Variants in SIN3A observed in about 807,000 individuals in gnomAD.
The protein encoded by SIN3A is SIN3 transcription regulator family member A.
Under a neutral mutation model 146.1 loss-of-function variants are expected in SIN3A, and 14 were observed. The ratio of observed to expected loss-of-function variants is 0.10; its 90% confidence interval spans 0.06 to 0.15. The LOEUF (loss-of-function observed/expected upper bound fraction) is 0.15, where lower values mean the gene tolerates loss of function less well. Among genes scored for constraint, SIN3A ranks in the 10% least tolerant of loss-of-function variants. The pLI is 1.00. For synonymous variants in SIN3A, 572 were observed against 572.0 expected, an observed-to-expected ratio of 1.00 and a Z score of 0.00; for missense variants, 1,028 against 1,576.0, an observed-to-expected ratio of 0.65 and a Z score of 5.89.
chr15:75,426,127 A>C (rs1347244991), intron 2 of SIN3A, among the ~76,000 whole-genome samples: 1 of 152,240 alleles, frequency 6.6e-6, no homozygotes, highest in Non-Finnish European at 1.5e-5. Context: ...ATTCGGAAGA[A>C]ATTTAACTAT....
chr15:75,427,392 G>A (rs1187925169), intron 2 of SIN3A, among the ~76,000 whole-genome samples: 1 of 151,922 alleles, frequency 6.6e-6, no homozygotes, highest in Non-Finnish European at 1.5e-5. Flanking sequence ...AAATAAGGCC[G>A]GGTGCAGTGG....
At chr15:75,413,136 G>T in intron 4 of SIN3A, 91 bp from the exon 5 acceptor site, 18 of 1,273,432 alleles carry the variant, frequency 1.4e-5, no homozygotes, top group Non-Finnish European at 1.7e-5. Context: ...CTTTTGAGAC[G>T]GAGTCTCACT....
intron 12 of SIN3A, 107 bp downstream of exon 12, chr15:75,399,933 T>C (rs1424294890): frequency 4.3e-6 from 3 of 704,386 alleles, no homozygotes; most frequent in Non-Finnish European, 7.7e-6. Context: ...CATAGAAGAA[T>C]GTGAGCCTTT....
chr15:75,445,692 A>G (rs1335288475), intron 1 of SIN3A, among the ~76,000 whole-genome samples: 3 of 151,326 alleles, frequency 2.0e-5, no homozygotes, highest in African/African-American at 7.3e-5. Context: ...GTGTGTGTGC[A>G]ATGAGCCGAG....
chr15:75,391,685 T>TA (rs1210163115), intron 15 of SIN3A, among the ~76,000 whole-genome samples: 1 of 152,170 alleles, frequency 6.6e-6, no homozygotes, highest in African/African-American at 2.4e-5. Context: ...AACCCTCACT[T>TA]ACTTTCCTTT....
intron 1 of SIN3A, among the ~76,000 whole-genome samples, chr15:75,439,175 C>T (rs1398124884): frequency 2.0e-5 from 3 of 152,012 alleles, no homozygotes; most frequent in African/African-American, 7.3e-5. Flanking sequence ...TGTCACAACT[C>T]GGGAAGATGG....
intron 2 of SIN3A, among the ~76,000 whole-genome samples, chr15:75,429,366 T>G (rs1025365513): frequency 3.3e-5 from 5 of 151,950 alleles, no homozygotes; most frequent in Admixed American, 2.0e-4. Context: ...GAGGCTGCAG[T>G]GAGTCATGAT....
At chr15:75,380,845 A>T (rs1415488794) in intron 18 of SIN3A, 122 bp from the exon 19 acceptor site, 1 of 696,592 alleles carries the variant, frequency 1.4e-6, no homozygotes, top group Non-Finnish European at 2.5e-6. Flanking sequence ...AAGATCAAAA[A>T]AGTCCCTTTC....
intron 12 of SIN3A, among the ~76,000 whole-genome samples, chr15:75,398,923 G>C (rs2073354459): frequency 6.6e-6 from 1 of 151,868 alleles, no homozygotes; most frequent in Non-Finnish European, 1.5e-5. Flanking sequence ...AATGCATGTG[G>C]GGCTTAAAAC....
At chr15:75,387,037 A>C (rs940362245) in intron 16 of SIN3A, among the ~76,000 whole-genome samples, 2 of 151,948 alleles carry the variant, frequency 1.3e-5, no homozygotes, top group African/African-American at 4.8e-5. Flanking sequence ...CAACTCCTGG[A>C]CTCAATATAT....
At chr15:75,453,620 C>T (rs774452562), upstream of SIN3A, 1 of 152,342 alleles carries the variant, frequency 6.6e-6, no homozygotes, top group Non-Finnish European at 1.5e-5. Context: ...TTGTCAGAGT[C>T]TCAGATACAG....
intron 20 of SIN3A, 140 bp downstream of exon 20, chr15:75,375,525 C>T: frequency 4.4e-6 from 3 of 676,280 alleles, no homozygotes; most frequent in Non-Finnish European, 5.2e-6. Flanking sequence ...TAGCAACCAA[C>T]ATACGTACTT....
At chr15:75,429,652 A>G (rs2073981766) in intron 2 of SIN3A, among the ~76,000 whole-genome samples, 1 of 152,208 alleles carries the variant, frequency 6.6e-6, no homozygotes. Flanking sequence ...GTGCACTAAG[A>G]CAATATCACA....
chr15:75,409,734 C>CA (rs1443445487), intron 8 of SIN3A, 102 bp downstream of exon 8: 3,020 of 1,310,994 alleles, frequency 2.3e-3, no homozygotes, highest in Non-Finnish European at 2.5e-3. Flanking sequence ...CTCAAAAAAA[C>CA]AAAAAAAAAC....
chr15:75,449,803 G>A (rs999003773), intron 1 of SIN3A, among the ~76,000 whole-genome samples: 2 of 152,102 alleles, frequency 1.3e-5, no homozygotes, highest in Non-Finnish European at 2.9e-5. Flanking sequence ...TTTTTGAGGC[G>A]GAGTTTTGCT....
rs145925364 is a variant in SIN3A, at chr15:75,429,728, T to C, written c.189+459A>G. Among the ~76,000 whole-genome samples, 28 of 152,242 alleles carry C rather than the reference T, an allele frequency of 1.8e-4. No individual in the cohort carries two copies. The South Asian group carries it at 4.1e-3, about 23-fold the overall frequency. ...ACAGCCCAATAGTCCAACAGTAGAA[T>C]TGACAAATAAATTGAGTATATGCAT... On this transcript the variant is annotated intron_variant, in intron 2 of 20. Coordinates refer to ENST00000394947, the MANE Select transcript of SIN3A (RefSeq NM_001145358.2).
chr15:75,391,683 C>G (rs2073204959), intron 15 of SIN3A, among the ~76,000 whole-genome samples: 1 of 152,172 alleles, frequency 6.6e-6, no homozygotes, highest in African/African-American at 2.4e-5. Context: ...TGAACCCTCA[C>G]TTACTTTCCT....
At chr15:75,428,566 G>GCATATT (rs1205997691) in intron 2 of SIN3A, among the ~76,000 whole-genome samples, 1 of 152,028 alleles carries the variant, frequency 6.6e-6, no homozygotes, top group African/African-American at 2.4e-5. Flanking sequence ...GGGTGCGGAA[G>GCATATT]CATATTCACT....
rs1397387998 is a variant in SIN3A at position 75,409,930 on chromosome 15, A to G, written c.1223T>C (p.Val408Ala). 1.2e-6 allele frequency: 2 copies of G among 1,613,956 alleles called. No individual in the cohort carries two copies. Among genetic ancestry groups the G allele is most frequent in the African/African-American group, 1.3e-5 (1 of 74,894 alleles). ...DSVRNDHGGT[V>A]KKPQLNNKPQ... ...CTTGTTGTTCAGTTGGGGCTTCTTG[A>G]CAGTGCCTCCATGATCATTTCTCAC... The change falls in exon 8 of 21, where the codon GTC becomes GCC. Residue 408 changes from valine (V) to alanine (A), a missense_variant. By Grantham distance (64) the Val-to-Ala change is moderately conservative. This residue lies in a region of SIN3A where 40 missense variants were observed against 74.0 expected (regional missense o/e 0.54). Transcript: ENST00000394947.
Sources: allele counts gnomAD v4.1 joint callset (sites outside exome capture counted in the v4.1 genomes callset), GRCh38; gene constraint gnomAD v4.1.1; regional missense constraint gnomAD v4.1.1; transcripts MANE v1.5; gene names NCBI Gene and HGNC (gene_info 2026-07-23, HGNC 2026-07-21).